The following KCNH5 variants were observed in gnomAD, a reference collection of about 807,000 sequenced individuals.
KCNH5 encodes the protein potassium voltage-gated channel subfamily H member 5, also known as voltage-gated delayed rectifier potassium channel KCNH5.
KCNH5 carries 46 observed loss-of-function variants against 96.1 expected under a neutral mutation model. The observed-to-expected ratio is 0.48, with a 90% CI of 0.38 to 0.61. The LOEUF (loss-of-function observed/expected upper bound fraction) is 0.61. KCNH5 is among the 20% of genes least tolerant of loss of function. The pLI is 0.00. For missense variants in KCNH5, 907 were observed against 1,225.8 expected (o/e 0.74, Z 3.88); for synonymous variants, 439 against 449.8 (o/e 0.98, Z 0.30).
At chr14:63,034,301 T>C (rs1056174064) in intron 1 of KCNH5, among the ~76,000 whole-genome samples, 3 of 152,156 alleles carry the variant, frequency 2.0e-5, no homozygotes, top group African/African-American at 7.2e-5. Flanking sequence ...AGTGGAAAAA[T>C]CTGAAGCATA....
chr14:63,013,942 G>A lies in KCNH5; in HGVS notation c.197+2889C>T, dbSNP rs1017347615. ...TAAAAGAGAATAAGGAAGTTTAAAA[G>A]AAGAACACATTAAAATAAATCATGC... is the stretch of plus-strand genomic sequence containing the variant. On this transcript the variant is annotated intron_variant, in intron 2 of 10. Coordinates refer to ENST00000322893, the MANE Select transcript of KCNH5 (RefSeq NM_139318.5). 2.0e-5 allele frequency among the ~76,000 whole-genome samples: 3 copies of A among 152,032 alleles called. No individual in the cohort carries two copies. The East Asian group carries it at 5.8e-4, about 29-fold the overall frequency.
chr14:62,955,168 T>C (rs1005167049), intron 6 of KCNH5, among the ~76,000 whole-genome samples: 6 of 151,836 alleles, frequency 4.0e-5, no homozygotes, highest in African/African-American at 1.2e-4. Flanking sequence ...CAGGGCACTA[T>C]TTATATTCAA....
intron 8 of KCNH5, among the ~76,000 whole-genome samples, chr14:62,840,006 T>A (rs10047810): frequency 0.11 from 16,360 of 151,952 alleles, 1,109 homozygotes; most frequent in East Asian, 0.29. Flanking sequence ...TAAAATCATA[T>A]GTTTATCAGG....
At chr14:62,894,223 G>C (rs1888766616) in intron 7 of KCNH5, among the ~76,000 whole-genome samples, 1 of 152,156 alleles carries the variant, frequency 6.6e-6, no homozygotes. Context: ...AGGTGGCCTA[G>C]AATTGAACCT....
At position 62,980,874 on chromosome 14, in the gene KCNH5, C is replaced by T. The variant is rs1406901112; in HGVS notation, c.940G>A (p.Glu314Lys). 1 of 1,612,934 alleles carries T rather than the reference C, an allele frequency of 6.2e-7. No homozygotes were observed. The highest frequency in any genetic ancestry group is 8.5e-7 in the Non-Finnish European group (1 of 1,179,844). Residue 314 changes from glutamate to lysine, a missense_variant and splice_region_variant, in exon 6 of 11, where the codon GAG (glutamate) becomes AAG (lysine). Glu to Lys is a moderately conservative substitution (Grantham distance 56). Coordinates refer to ENST00000322893, the MANE Select transcript of KCNH5 (RefSeq NM_139318.5). ...DIINAFENVD[E>K]GISSLFSSLK... Reference sequence around the variant, plus strand: ...GAAAACCAAAACGAAAAACTTACCTCATCCACATTTTCAAAGGCATTGATG... The same window carrying T: ...GAAAACCAAAACGAAAAACTTACCTTATCCACATTTTCAAAGGCATTGATG...
intron 6 of KCNH5, among the ~76,000 whole-genome samples, chr14:62,954,729 G>A (rs1041069840): frequency 2.0e-5 from 3 of 152,044 alleles, no homozygotes; most frequent in African/African-American, 4.8e-5. Context: ...TCGGTAATTC[G>A]TAAAGGAAAA....
At chr14:62,832,493 T>G (rs1354194029) in intron 8 of KCNH5, among the ~76,000 whole-genome samples, 1 of 152,166 alleles carries the variant, frequency 6.6e-6, no homozygotes, top group Non-Finnish European at 1.5e-5. Context: ...GCAGATTTTC[T>G]TTTTCCACTT....
intron 10 of KCNH5, among the ~76,000 whole-genome samples, chr14:62,713,186 G>A (rs1884609007): frequency 6.6e-6 from 1 of 152,162 alleles, no homozygotes; most frequent in African/African-American, 2.4e-5. Flanking sequence ...ATGACGTGGT[G>A]CGTCTAGGAA....
intron 2 of KCNH5, among the ~76,000 whole-genome samples, chr14:63,015,837 G>T (rs1478621913): frequency 2.0e-5 from 3 of 151,534 alleles, no homozygotes; most frequent in Non-Finnish European, 2.9e-5. Flanking sequence ...ATCACATTTG[G>T]TTGAAAAAAT....
At chr14:62,998,758 A>G (rs1420169963) in intron 4 of KCNH5, among the ~76,000 whole-genome samples, 2 of 152,104 alleles carry the variant, frequency 1.3e-5, no homozygotes. Context: ...GATCTTCCAG[A>G]TATCTTTCTA....
Position 62,873,616 on chromosome 14 carries a change from T to G in KCNH5, c.1370-23764A>C, listed in dbSNP as rs374890314. ...GAATTATATAGCGTTTGAAGGCATT[T>G]AAGAAATCAAACAATTATTTTTTTT... On this transcript the variant is annotated intron_variant, in intron 7 of 10. Transcript: ENST00000322893. 4.3e-4 allele frequency among the ~76,000 whole-genome samples: 66 copies of G among 152,348 alleles called. 3 individuals carry two copies. In the South Asian group the frequency reaches 8.5e-3, roughly 20 times the overall value.
chr14:62,742,733 A>G (rs1352902634), intron 10 of KCNH5, among the ~76,000 whole-genome samples: 1 of 152,048 alleles, frequency 6.6e-6, no homozygotes, highest in Non-Finnish European at 1.5e-5. Flanking sequence ...ACTGCAGGCA[A>G]CATGGAGGAG....
intron 10 of KCNH5, among the ~76,000 whole-genome samples, chr14:62,715,990 T>C (rs529280255): frequency 2.0e-5 from 3 of 152,314 alleles, no homozygotes; most frequent in African/African-American, 7.2e-5. Context: ...AAATAACTAA[T>C]GAAATGTTCT....
At position 62,849,820 on chromosome 14, in the gene KCNH5, T is replaced by C. The variant is rs1294653855; in HGVS notation, c.1402A>G (p.Thr468Ala). Residue 468 changes from threonine (T) to alanine (A), a missense_variant, in exon 8 of 11, where the codon ACA (threonine) becomes GCA (alanine). Physicochemically the swap from Thr to Ala is moderately conservative, Grantham distance 58 (BLOSUM62 0). Transcript: ENST00000322893. The part of the protein sequence containing the change: ...LLYATIFGNV[T>A]TIFQQMYANT... ...GCATACATTTGCTGGAAAATTGTTG[T>C]AACATTTCCAAAAATAGTTGCATAA... 6.2e-7 allele frequency: 1 copy of C among 1,613,444 alleles called. No homozygotes were observed. The highest frequency in any genetic ancestry group is 8.5e-7 in the Non-Finnish European group (1 of 1,179,564).
chr14:62,781,780 C>G (rs911137923), intron 9 of KCNH5, among the ~76,000 whole-genome samples: 8 of 152,114 alleles, frequency 5.3e-5, no homozygotes, highest in Non-Finnish European at 8.8e-5. Context: ...TCATATTGCT[C>G]AAACACATAT....
chr14:62,991,869 C>A (rs1433528285), intron 4 of KCNH5, among the ~76,000 whole-genome samples: 1 of 151,964 alleles, frequency 6.6e-6, no homozygotes, highest in Non-Finnish European at 1.5e-5. Context: ...GGTACAAGTG[C>A]AATTTCTTTA....
At chr14:62,863,837 C>T (rs1179881183) in intron 7 of KCNH5, among the ~76,000 whole-genome samples, 1 of 152,038 alleles carries the variant, frequency 6.6e-6, no homozygotes, top group Admixed American at 6.5e-5. Flanking sequence ...AGATTAATGG[C>T]ATATTTTTGT....
In KCNH5 at chr14:62,779,710, C is replaced by A; in HGVS notation, c.2019+18G>T. ...TACTCTGGACACTAATAAGAAAAAG[C>A]AGACCCAGAGAACATACCCGTTTCC... is the stretch of plus-strand genomic sequence containing the variant. On this transcript the variant is annotated intron_variant, in intron 10 of 10. Coordinates refer to ENST00000322893, the MANE Select transcript of KCNH5 (RefSeq NM_139318.5). 1 of 1,591,264 alleles carries A rather than the reference C, an allele frequency of 6.3e-7. No individual in the cohort carries two copies. The highest frequency in any genetic ancestry group is 8.6e-7 in the Non-Finnish European group (1 of 1,167,398).
intron 7 of KCNH5, among the ~76,000 whole-genome samples, chr14:62,881,839 C>T (rs1888498759): frequency 6.6e-6 from 1 of 152,090 alleles, no homozygotes; most frequent in African/African-American, 2.4e-5. Flanking sequence ...ATCAGACTCT[C>T]TACCTTCAAA....
Sources: allele counts gnomAD v4.1 joint callset (sites outside exome capture counted in the v4.1 genomes callset), GRCh38; gene constraint gnomAD v4.1.1; transcripts MANE v1.5; gene names NCBI Gene and HGNC (gene_info 2026-07-23, HGNC 2026-07-21).